Variants in SLC71A2 observed in about 807,000 individuals in gnomAD.
The protein encoded by SLC71A2 is solute carrier family 71 member 2, also known as hippocampus abundant transcript-like 1.
chr9:94,441,020 T>A, the SLC71A2 span: 1 of 1,611,800 alleles, frequency 6.2e-7, no homozygotes, highest in Non-Finnish European at 8.5e-7. Context: ...TCTGGAGTCT[T>A]CTCGGTCACG....
At chr9:94,417,367 C>T in the SLC71A2 span, among the ~76,000 whole-genome samples, 2 of 152,190 alleles carry the variant, frequency 1.3e-5, no homozygotes, top group African/African-American at 4.8e-5. Context: ...GAGGCTCACG[C>T]CTGTAATCCC....
the SLC71A2 span, among the ~76,000 whole-genome samples, chr9:94,413,303 A>G: frequency 6.6e-6 from 1 of 152,228 alleles, no homozygotes; most frequent in African/African-American, 2.4e-5. Flanking sequence ...TAGCAATGCT[A>G]ATTTCCTGGT....
the SLC71A2 span, among the ~76,000 whole-genome samples, chr9:94,434,803 A>T: frequency 1.8e-3 from 278 of 152,298 alleles, no homozygotes; most frequent in African/African-American, 6.4e-3. Context: ...TCCCTTTCAT[A>T]GGTAAGTAAA....
the SLC71A2 span, among the ~76,000 whole-genome samples, chr9:94,425,479 A>G: frequency 6.6e-6 from 1 of 152,214 alleles, no homozygotes; most frequent in Non-Finnish European, 1.5e-5. Flanking sequence ...GAGCCACACT[A>G]CAGAATTGGT....
the SLC71A2 span, among the ~76,000 whole-genome samples, chr9:94,456,601 T>G: frequency 7.3e-6 from 1 of 136,944 alleles, no homozygotes; most frequent in African/African-American, 2.6e-5. Flanking sequence ...TTTTCAGTTT[T>G]GATACATCTT....
At chr9:94,460,653 A>ATATATGTAGATATT in the SLC71A2 span, 7 of 148,860 alleles carry the variant, frequency 4.7e-5, no homozygotes, top group Admixed American at 3.5e-4. Context: ...TAGGTATGAA[A>ATATATGTAGATATT]TATATGTAGA....
At chr9:94,420,335 G>C in the SLC71A2 span, among the ~76,000 whole-genome samples, 1 of 152,176 alleles carries the variant, frequency 6.6e-6, no homozygotes, top group East Asian at 1.9e-4. Context: ...TGCTTAAACT[G>C]ATACCCACAG....
the SLC71A2 span, among the ~76,000 whole-genome samples, chr9:94,450,768 C>A: frequency 6.6e-6 from 1 of 152,016 alleles, no homozygotes; most frequent in East Asian, 1.9e-4. Flanking sequence ...GGATTACAGG[C>A]GTGAGCCACT....
chr9:94,409,220 C>T, the SLC71A2 span, among the ~76,000 whole-genome samples: 2 of 140,440 alleles, frequency 1.4e-5, no homozygotes, highest in Non-Finnish European at 3.0e-5. Flanking sequence ...GCTCATTGCA[C>T]CCTCAACTTC....
chr9:94,384,275 CTT>C, the SLC71A2 span, among the ~76,000 whole-genome samples: 1 of 150,732 alleles, frequency 6.6e-6, no homozygotes, highest in Non-Finnish European at 1.5e-5. Flanking sequence ...TTGTGATTGA[CTT>C]ATTTCATCTT....
At chr9:94,446,349 A>G in the SLC71A2 span, among the ~76,000 whole-genome samples, 1 of 152,202 alleles carries the variant, frequency 6.6e-6, no homozygotes, top group African/African-American at 2.4e-5. Context: ...TTATGGCTGG[A>G]GCGTACTTAT....
At chr9:94,394,162 G>A in the SLC71A2 span, among the ~76,000 whole-genome samples, 1 of 130,912 alleles carries the variant, frequency 7.6e-6, no homozygotes, top group African/African-American at 2.8e-5. Flanking sequence ...GTGAAAAGCA[G>A]TTATTTTGTA....
the SLC71A2 span, among the ~76,000 whole-genome samples, chr9:94,375,603 A>G: frequency 1.5e-4 from 22 of 150,982 alleles, no homozygotes; most frequent in Non-Finnish European, 3.1e-4. Context: ...CGTTTCTTCA[A>G]GGCCTAAGTT....
chr9:94,458,867 G>C, the SLC71A2 span, among the ~76,000 whole-genome samples: 1 of 152,158 alleles, frequency 6.6e-6, no homozygotes, highest in Non-Finnish European at 1.5e-5. Flanking sequence ...CATGTACAAA[G>C]GTGCATGATC....
At chr9:94,427,768 T>A in the SLC71A2 span, among the ~76,000 whole-genome samples, 11 of 147,764 alleles carry the variant, frequency 7.4e-5, no homozygotes, top group East Asian at 3.9e-4. Context: ...CATAGTCTCT[T>A]ATCTCTGATC....
the SLC71A2 span, among the ~76,000 whole-genome samples, chr9:94,381,033 C>T: frequency 4.7e-5 from 3 of 64,496 alleles, no homozygotes; most frequent in Non-Finnish European, 8.9e-5. Flanking sequence ...CTTGAATTTT[C>T]TTCCCCCTTT....
chr9:94,390,969 CA>C, the SLC71A2 span, among the ~76,000 whole-genome samples: 2 of 151,752 alleles, frequency 1.3e-5, no homozygotes, highest in African/African-American at 4.8e-5. Flanking sequence ...GATTGTTCTT[CA>C]GGAAGATTTA....
chr9:94,447,094 C>T, the SLC71A2 span, among the ~76,000 whole-genome samples: 31 of 152,128 alleles, frequency 2.0e-4, no homozygotes, highest in Admixed American at 1.4e-3. Flanking sequence ...AAACAGGGCA[C>T]CTTTAATGCA....
At chr9:94,374,606 G>A in the SLC71A2 span, 7 of 153,242 alleles carry the variant, frequency 4.6e-5, no homozygotes, top group Admixed American at 2.6e-4. Flanking sequence ...GGTTTGATAA[G>A]TGGTCGGTTC....
Sources: gnomAD v4.1 joint callset for allele counts (sites outside exome capture counted in the v4.1 genomes callset) on GRCh38, gnomAD v4.1.1 for gene constraint, MANE v1.5 for transcripts, NCBI Gene and HGNC (gene_info 2026-07-23, HGNC 2026-07-21) for gene names.